Variants in LINGO2 observed in about 807,000 individuals in gnomAD.
LINGO2 encodes the protein leucine-rich repeat and immunoglobulin-like domain-containing nogo receptor-interacting protein 2.
A neutral mutation model predicts 30.6 loss-of-function variants in LINGO2; 14 were observed. The observed-to-expected ratio is 0.46, with a 90% confidence interval of 0.30 to 0.72. The LOEUF is 0.72. Among genes scored for constraint, LINGO2 ranks in the 30% least tolerant of loss-of-function variants. The pLI, the probability that LINGO2 is intolerant of heterozygous loss-of-function variation, is 0.07. For synonymous variants in LINGO2, 317 were observed against 288.5 expected, an observed-to-expected ratio of 1.10 and a Z score of -1.00; for missense variants, 729 against 751.7, an observed-to-expected ratio of 0.97 and a Z score of 0.35.
At chr9:28,726,558 T>C in the LINGO2 span, among the ~76,000 whole-genome samples, 4 of 152,200 alleles carry the variant, frequency 2.6e-5, no homozygotes, top group South Asian at 8.3e-4. Context: ...AGGTGTAGTA[T>C]AGATAATCTG....
the LINGO2 span, among the ~76,000 whole-genome samples, chr9:29,009,502 T>C: frequency 6.6e-6 from 1 of 152,126 alleles, no homozygotes; most frequent in African/African-American, 2.4e-5. Flanking sequence ...CAAGGAGAAC[T>C]ACAAACCACT....
the LINGO2 span, among the ~76,000 whole-genome samples, chr9:29,055,993 A>G: frequency 3.4e-4 from 39 of 113,170 alleles, no homozygotes; most frequent in African/African-American, 1.2e-3. Context: ...CACACACCAC[A>G]TTTTCTTTAT....
chr9:28,102,985 G>A (rs1026549509), intron 4 of LINGO2, among the ~76,000 whole-genome samples: 19 of 152,096 alleles, frequency 1.2e-4, no homozygotes, highest in African/African-American at 2.4e-5. Context: ...GTTAACTCTG[G>A]AGAATCCACA....
At chr9:28,926,146 C>T in the LINGO2 span, among the ~76,000 whole-genome samples, 6 of 152,218 alleles carry the variant, frequency 3.9e-5, no homozygotes, top group Admixed American at 1.3e-4. Context: ...AACCCCATCT[C>T]TACTAAAAAA....
chr9:28,756,117 AAAAACTACTTGTC>A, the LINGO2 span, among the ~76,000 whole-genome samples: 2 of 152,054 alleles, frequency 1.3e-5, no homozygotes, highest in Non-Finnish European at 2.9e-5. Context: ...TTAGAATATA[AAAAACTACTTGTC>A]AAAACATCTT....
At chr9:28,793,939 T>G in the LINGO2 span, among the ~76,000 whole-genome samples, 1 of 152,128 alleles carries the variant, frequency 6.6e-6, no homozygotes. Flanking sequence ...AGATCTTCAG[T>G]CAGAAAAACA....
At chr9:28,220,620 A>G (rs1003458239) in intron 4 of LINGO2, among the ~76,000 whole-genome samples, 1 of 152,194 alleles carries the variant, frequency 6.6e-6, no homozygotes, top group Non-Finnish European at 1.5e-5. Flanking sequence ...CTTTATTGCT[A>G]ACTTACTCAT....
At chr9:28,144,079 T>C (rs1036232022) in intron 4 of LINGO2, among the ~76,000 whole-genome samples, 1 of 152,116 alleles carries the variant, frequency 6.6e-6, no homozygotes, top group Non-Finnish European at 1.5e-5. Context: ...CAGATTGAGA[T>C]AGATAAATGG....
chr9:28,494,027 A>G (rs1357105490), intron 1 of LINGO2, among the ~76,000 whole-genome samples: 1 of 152,060 alleles, frequency 6.6e-6, no homozygotes. Flanking sequence ...CTTTATATAT[A>G]CATCTATGCT....
chr9:28,126,804 T>C (rs936293897), intron 4 of LINGO2, among the ~76,000 whole-genome samples: 1 of 152,228 alleles, frequency 6.6e-6, no homozygotes, highest in Non-Finnish European at 1.5e-5. Flanking sequence ...ATATGGTTAA[T>C]AGCTCTTCAA....
At chr9:28,370,446 G>A (rs1018689665) in intron 3 of LINGO2, among the ~76,000 whole-genome samples, 1 of 152,084 alleles carries the variant, frequency 6.6e-6, no homozygotes, top group African/African-American at 2.4e-5. Flanking sequence ...AAGAATATGA[G>A]TGGAATTCAC....
intron 1 of LINGO2, among the ~76,000 whole-genome samples, chr9:28,609,341 T>G (rs1303967908): frequency 1.3e-5 from 2 of 151,912 alleles, no homozygotes; most frequent in South Asian, 2.1e-4. Flanking sequence ...CTAACATATG[T>G]GATAGCTGGA....
At chr9:29,100,261 G>A in the LINGO2 span, among the ~76,000 whole-genome samples, 3 of 152,212 alleles carry the variant, frequency 2.0e-5, no homozygotes, top group Non-Finnish European at 2.9e-5. Flanking sequence ...GACACTACAC[G>A]GGGGAGGGGA....
chr9:28,589,329 G>A (rs995261874), intron 1 of LINGO2, among the ~76,000 whole-genome samples: 3 of 152,028 alleles, frequency 2.0e-5, no homozygotes, highest in African/African-American at 7.2e-5. Context: ...GGAAATAAAG[G>A]GCATTCAATT....
exon 6 of LINGO2, chr9:27,949,041 G>C: frequency 6.2e-7 from 1 of 1,614,126 alleles, no homozygotes; most frequent in Non-Finnish European, 8.5e-7. Context: ...CATAGCTGTA[G>C]ACACCAGTAT....
the LINGO2 span, among the ~76,000 whole-genome samples, chr9:28,911,582 C>G: frequency 1.3e-5 from 2 of 151,998 alleles, no homozygotes; most frequent in Non-Finnish European, 2.9e-5. Flanking sequence ...ATACATCAAA[C>G]AGCAATAATA....
intron 2 of LINGO2, among the ~76,000 whole-genome samples, chr9:28,424,411 C>T (rs1345327941): frequency 6.6e-6 from 1 of 152,094 alleles, no homozygotes; most frequent in Admixed American, 6.6e-5. Flanking sequence ...TAGCCAATAG[C>T]TAGACAATTG....
the LINGO2 span, among the ~76,000 whole-genome samples, chr9:29,139,203 C>T: frequency 2.6e-4 from 39 of 152,240 alleles, no homozygotes; most frequent in Admixed American, 1.4e-3. Context: ...AACCAGTGCG[C>T]TTGGAAGCAG....
chr9:28,999,280 C>G, the LINGO2 span, among the ~76,000 whole-genome samples: 2 of 151,990 alleles, frequency 1.3e-5, no homozygotes, highest in African/African-American at 4.8e-5. Flanking sequence ...ATGACTGATT[C>G]TATTTGTCTA....
Sources: gnomAD v4.1 joint callset for allele counts (sites outside exome capture counted in the v4.1 genomes callset) on GRCh38, gnomAD v4.1.1 for gene constraint, MANE v1.5 for transcripts, NCBI Gene and HGNC (gene_info 2026-07-23, HGNC 2026-07-21) for gene names.